Variants in ZNF718 observed in about 807,000 individuals in gnomAD.
ZNF718 encodes the protein zinc finger protein 718.
ZNF718 carries 3 observed loss-of-function variants against 2.6 expected under a neutral mutation model. That is an observed-to-expected ratio of 1.16 (90% confidence interval 0.53 to 3.01). The LOEUF is 3.01. Among genes scored for constraint, ZNF718 ranks in the 30% most tolerant of loss-of-function variants. ZNF718 has a pLI of 0.03. For missense variants in ZNF718, 468 were observed against 230.0 expected (o/e 2.03, Z -6.69); for synonymous variants, 135 against 77.9 (o/e 1.73, Z -3.86).
In ZNF718 at chr4:180,986, C is replaced by A. The variant is rs556571983; in HGVS notation, c.227-20095C>A. The stretch of plus-strand genomic sequence containing the variant: ...CTTTTGTATTCATTATGATTCTGTT[C>A]AAAAAGCAAATGTTTTTCTGTTTCA... On this transcript the variant is annotated intron_variant and NMD_transcript_variant, in intron 3 of 4. Transcript: ENST00000642529. 9.2e-5 allele frequency among the ~76,000 whole-genome samples: 14 copies of A among 151,900 alleles called. 1 individual carries two copies. Among genetic ancestry groups the A allele is most frequent in the Middle Eastern group, 3.4e-3 (1 of 294 alleles).
chr4:127,905 AT>A (rs1461245382), intron 1 of ZNF718, among the ~76,000 whole-genome samples: 2 of 105,154 alleles, frequency 1.9e-5, no homozygotes, highest in African/African-American at 6.6e-5. Flanking sequence ...CTTTACAAAT[AT>A]ACTTGTAATT....
At position 161,394 on chromosome 4, in the gene ZNF718, A is replaced by T. The variant is rs1716840053; in HGVS notation, c.709A>T (p.Thr237Ser). 1.3e-6 allele frequency: 1 copy of T among 779,906 alleles called. No homozygotes were observed. The highest frequency in any genetic ancestry group is 1.7e-5 in the African/African-American group (1 of 59,076). 48.3% of individuals were successfully genotyped at this position (779,906 alleles called of 1,614,324 possible). ...GTGTGAAGAATGTGGTAAAGGCTTT[A>T]CTCGGTCCTCACACCTTACTAAACA... ...YKCEECGKGF[T>S]RSSHLTKHKR... is the part of the protein sequence containing the mutation. The change falls in exon 4 of 4, where the codon ACT becomes TCT. Residue 237 changes from threonine (T) to serine (S), a missense_variant. By Grantham distance (58) the Thr-to-Ser change is moderately conservative. Coordinates refer to ENST00000510175, the MANE Select transcript of ZNF718 (RefSeq NM_001039127.6).
At chr4:170,535 CTTTG>C (rs530458465) in intron 3 of ZNF718, among the ~76,000 whole-genome samples, 2,664 of 152,192 alleles carry the variant, frequency 0.018, 75 homozygotes, top group African/African-American at 0.06. Context: ...TTCTTGGAGG[CTTTG>C]TTTGTTTCTT....
At chr4:167,077 A>G (rs1717106349), downstream of ZNF718, among the ~76,000 whole-genome samples, 1 of 152,142 alleles carries the variant, frequency 6.6e-6, no homozygotes, top group Non-Finnish European at 1.5e-5. Context: ...ATGGCTAGCC[A>G]GTTTTCCCAG....
intron 3 of ZNF718, among the ~76,000 whole-genome samples, chr4:151,607 A>G (rs140343140): frequency 0.017 from 2,659 of 152,090 alleles, 79 homozygotes; most frequent in African/African-American, 0.06. Context: ...CAGCCTCGCA[A>G]GTAGCTGGGA....
At chr4:194,240 A>G (rs936920742) in intron 3 of ZNF718, among the ~76,000 whole-genome samples, 2 of 152,222 alleles carry the variant, frequency 1.3e-5, no homozygotes, top group Non-Finnish European at 2.9e-5. Flanking sequence ...GTTGGCCCTC[A>G]ATAGAGTCAG....
At chr4:159,533 C>A (rs1716731895) in intron 3 of ZNF718, among the ~76,000 whole-genome samples, 1 of 152,112 alleles carries the variant, frequency 6.6e-6, no homozygotes, top group Non-Finnish European at 1.5e-5. Context: ...TTATAAATCT[C>A]TATGTGTGTA....
intron 3 of ZNF718, among the ~76,000 whole-genome samples, chr4:146,376 A>G (rs1716065614): frequency 6.6e-6 from 1 of 151,948 alleles, no homozygotes; most frequent in Admixed American, 6.6e-5. Flanking sequence ...TGTGGCTTGC[A>G]TGGTTTCTGC....
chr4:146,761 G>A (rs560388233), intron 3 of ZNF718, among the ~76,000 whole-genome samples: 6 of 146,846 alleles, frequency 4.1e-5, no homozygotes, highest in Middle Eastern at 3.2e-3. Flanking sequence ...AATGACTTAC[G>A]TTTGCTGGGG....
chr4:202,224 G>A (rs1483679874), exon 5 of ZNF718: 1 of 152,202 alleles, frequency 6.6e-6, no homozygotes, highest in Non-Finnish European at 1.5e-5. Context: ...AGTAAGATGT[G>A]CCTTTTGCCT....
At chr4:124,901 C>T (rs1715127096) in intron 1 of ZNF718, 1 of 512,930 alleles carries the variant, frequency 1.9e-6, no homozygotes, top group African/African-American at 2.0e-5. Context: ...TTTCCCCGGG[C>T]TGTGGAGTGA....
At chr4:179,534 T>A (rs552553056) in intron 3 of ZNF718, among the ~76,000 whole-genome samples, 1 of 152,338 alleles carries the variant, frequency 6.6e-6, no homozygotes, top group African/African-American at 2.4e-5. Flanking sequence ...TATGTTTATG[T>A]CTGTGTTTGT....
Position 164,066 on chromosome 4 carries a change from C to T in ZNF718, c.*1944C>T, listed in dbSNP as rs942576601. 2 of 151,794 alleles carry T rather than the reference C, an allele frequency of 1.3e-5. No individual in the cohort carries two copies. Among genetic ancestry groups the T allele is most frequent in the African/African-American group, 4.8e-5 (2 of 41,350 alleles). The allele number at this position is 151,794 out of a possible 1,614,324, so 9.4% of individuals were successfully genotyped here. Reference sequence around the variant, plus strand: ...TGTACAATTAAATTATTTTTTATTACAGGTAATTTTATGATTGTATTTAGA... The same window carrying T: ...TGTACAATTAAATTATTTTTTATTATAGGTAATTTTATGATTGTATTTAGA... On this transcript the variant is annotated 3_prime_UTR_variant, in exon 4 of 4. Coordinates refer to ENST00000510175, the MANE Select transcript of ZNF718 (RefSeq NM_001039127.6).
intron 3 of ZNF718, chr4:149,888 AT>A (rs1398800871): frequency 1.3e-5 from 2 of 152,166 alleles, no homozygotes; most frequent in African/African-American, 2.4e-5. Flanking sequence ...TTATAAAAAA[AT>A]AAAATTGCCT....
chr4:190,226 C>T (rs1383112948), intron 3 of ZNF718, among the ~76,000 whole-genome samples: 5 of 151,624 alleles, frequency 3.3e-5, no homozygotes, highest in Non-Finnish European at 4.4e-5. Context: ...GTCAGGAGAC[C>T]GAGACCATCC....
Position 184,368 on chromosome 4 carries a change from A to G in ZNF718, c.227-16713A>G, listed in dbSNP as rs560101482. 2.0e-5 allele frequency among the ~76,000 whole-genome samples: 3 copies of G among 152,272 alleles called. No individual in the cohort carries two copies. In the East Asian group the frequency reaches 5.8e-4, roughly 29 times the overall value. On this transcript the variant is annotated intron_variant and NMD_transcript_variant, in intron 3 of 4. Transcript: ENST00000642529. ...TCCCAGGGATGAAACCTACTTGGTC[A>G]TGGTGGATAAGCTTTTCAATGGGCT...
chr4:150,968 TATTG>T (rs1242978461), intron 3 of ZNF718, among the ~76,000 whole-genome samples: 1 of 152,198 alleles, frequency 6.6e-6, no homozygotes, highest in Non-Finnish European at 1.5e-5. Flanking sequence ...AATTACCATA[TATTG>T]ATTGTTTAAA....
chr4:171,747 CTTT>C (rs1717239423), intron 3 of ZNF718, among the ~76,000 whole-genome samples: 1 of 152,182 alleles, frequency 6.6e-6, no homozygotes, highest in Non-Finnish European at 1.5e-5. Context: ...TCTGTCATCC[CTTT>C]CTTTGACTAG....
intron 3 of ZNF718, among the ~76,000 whole-genome samples, chr4:196,060 C>A (rs1553821945): frequency 6.6e-6 from 1 of 152,084 alleles, no homozygotes; most frequent in East Asian, 1.9e-4. Flanking sequence ...TTTCCTCTCT[C>A]TCTCTAACTT....
Sources: gnomAD v4.1 joint callset for allele counts (sites outside exome capture counted in the v4.1 genomes callset) on GRCh38, gnomAD v4.1.1 for gene constraint, MANE v1.5 for transcripts, NCBI Gene and HGNC (gene_info 2026-07-23, HGNC 2026-07-21) for gene names.